Variants in MAGI2 observed in about 807,000 individuals in gnomAD.
The protein encoded by MAGI2 is membrane-associated guanylate kinase, WW and PDZ domain-containing protein 2.
In MAGI2, 35 loss-of-function variants were observed where a neutral mutation model predicts 133.3. The observed-to-expected ratio is 0.26, with a 90% CI of 0.20 to 0.35. The LOEUF (loss-of-function observed/expected upper bound fraction) is 0.35, where lower values mean the gene tolerates loss of function less well. Among genes scored for constraint, MAGI2 ranks in the 10% least tolerant of loss-of-function variants. MAGI2 has a pLI of 1.00. For missense variants in MAGI2, 1,636 were observed against 1,863.4 expected (o/e 0.88, Z 2.25); for synonymous variants, 729 against 710.6 (o/e 1.03, Z -0.41).
chr7:78,025,579 G>A (rs1808830564), intron 21 of MAGI2, among the ~76,000 whole-genome samples: 1 of 152,154 alleles, frequency 6.6e-6, no homozygotes, highest in Non-Finnish European at 1.5e-5. Context: ...ACCAAATGCT[G>A]ACTTGAGGAA....
At chr7:79,297,048 C>T (rs191575311) in intron 1 of MAGI2, among the ~76,000 whole-genome samples, 3 of 152,054 alleles carry the variant, frequency 2.0e-5, no homozygotes, top group Non-Finnish European at 2.9e-5. Context: ...AAAAAATAAC[C>T]CTTAAGTATT....
At chr7:79,001,741 C>T (rs1006337850) in intron 2 of MAGI2, among the ~76,000 whole-genome samples, 3 of 152,076 alleles carry the variant, frequency 2.0e-5, no homozygotes, top group Non-Finnish European at 2.9e-5. Context: ...CGTATTAATT[C>T]TATTAATTTC....
chr7:78,467,861 A>T (rs895310676), intron 6 of MAGI2, among the ~76,000 whole-genome samples: 5 of 152,108 alleles, frequency 3.3e-5, no homozygotes, highest in East Asian at 1.9e-4. Flanking sequence ...AACAAAATTT[A>T]AAAAAAGGTC....
At chr7:79,006,122 T>C (rs376063620) in intron 2 of MAGI2, among the ~76,000 whole-genome samples, 1 of 152,300 alleles carries the variant, frequency 6.6e-6, no homozygotes, top group Non-Finnish European at 1.5e-5. Flanking sequence ...TTATCCAGTA[T>C]CTATTCCAGA....
At chr7:79,247,483 C>T (rs967892108) in intron 1 of MAGI2, among the ~76,000 whole-genome samples, 8 of 151,910 alleles carry the variant, frequency 5.3e-5, no homozygotes, top group African/African-American at 1.5e-4. Flanking sequence ...CATGGTGGCA[C>T]GTACCTGTGG....
intron 1 of MAGI2, among the ~76,000 whole-genome samples, chr7:79,425,397 C>T (rs372748793): frequency 3.3e-5 from 5 of 151,924 alleles, no homozygotes; most frequent in African/African-American, 9.6e-5. Context: ...CTGACTTCTA[C>T]GTAACTGTTG....
intron 1 of MAGI2, among the ~76,000 whole-genome samples, chr7:79,102,378 A>G (rs17151954): frequency 0.038 from 5,818 of 152,284 alleles, 179 homozygotes; most frequent in Admixed American, 0.074. Flanking sequence ...TGCCTAAATC[A>G]AACGGTAAGC....
Position 78,953,376 on chromosome 7 carries a change from T to C in MAGI2, c.418+53714A>G, listed in dbSNP as rs1053251601. Among the ~76,000 whole-genome samples, 3 of 152,134 alleles carry C rather than the reference T, an allele frequency of 2.0e-5. No individual in the cohort carries two copies. In the South Asian group the frequency reaches 6.2e-4, roughly 31 times the overall value. The stretch of plus-strand genomic sequence containing the variant: ...TTTCAAGGTGTAAATCAAGTGTTGC[T>C]CCAGAATGGATAGCTTCTGCCACAA... On this transcript the variant is annotated intron_variant, in intron 2 of 21. Transcript: ENST00000354212.
At chr7:78,668,748 G>T (rs938538851) in intron 2 of MAGI2, among the ~76,000 whole-genome samples, 4 of 151,632 alleles carry the variant, frequency 2.6e-5, no homozygotes, top group African/African-American at 9.7e-5. Flanking sequence ...AATCAAAGTA[G>T]AACTCAGGAT....
At chr7:79,385,873 T>C (rs949423399) in intron 1 of MAGI2, among the ~76,000 whole-genome samples, 2 of 151,986 alleles carry the variant, frequency 1.3e-5, no homozygotes, top group African/African-American at 4.8e-5. Flanking sequence ...TGTGAGATAG[T>C]AGATGTTAAC....
intron 1 of MAGI2, among the ~76,000 whole-genome samples, chr7:79,238,874 G>A (rs946465689): frequency 6.6e-6 from 1 of 152,008 alleles, no homozygotes; most frequent in Non-Finnish European, 1.5e-5. Flanking sequence ...CAGGAATAGA[G>A]GTTCATCTCT....
chr7:78,644,987 T>A (rs920655618), intron 2 of MAGI2, among the ~76,000 whole-genome samples: 2 of 152,140 alleles, frequency 1.3e-5, no homozygotes, highest in Non-Finnish European at 2.9e-5. Context: ...TATTATAAAT[T>A]TATGCCAATA....
At chr7:78,642,207 A>C (rs1016533349) in intron 2 of MAGI2, among the ~76,000 whole-genome samples, 3 of 152,224 alleles carry the variant, frequency 2.0e-5, no homozygotes, top group African/African-American at 7.2e-5. Context: ...AGCAGTATTC[A>C]CAGTAATATT....
At chr7:78,633,316 G>A (rs886877186) in intron 2 of MAGI2, among the ~76,000 whole-genome samples, 2 of 152,140 alleles carry the variant, frequency 1.3e-5, no homozygotes, top group East Asian at 3.9e-4. Flanking sequence ...TAGTACCTGG[G>A]TGAGGAAATA....
chr7:78,843,398 A>G (rs566882703), intron 2 of MAGI2, among the ~76,000 whole-genome samples: 4 of 151,976 alleles, frequency 2.6e-5, no homozygotes, highest in African/African-American at 9.6e-5. Context: ...AAAATGACTC[A>G]GGTTTTGTTG....
chr7:78,303,874 G>A (rs1159738690), intron 9 of MAGI2, among the ~76,000 whole-genome samples: 4 of 151,968 alleles, frequency 2.6e-5, no homozygotes, highest in African/African-American at 4.8e-5. Context: ...TAAAAATCTC[G>A]CTGCCTACTC....
At chr7:78,817,429 A>G (rs1342250653) in intron 2 of MAGI2, among the ~76,000 whole-genome samples, 4 of 152,216 alleles carry the variant, frequency 2.6e-5, no homozygotes, top group Non-Finnish European at 5.9e-5. Flanking sequence ...ACAGCATCAC[A>G]TGCTAGAGAG....
intron 21 of MAGI2, among the ~76,000 whole-genome samples, chr7:78,061,259 A>G (rs1257296486): frequency 6.6e-6 from 1 of 151,628 alleles, no homozygotes; most frequent in African/African-American, 2.4e-5. Context: ...AGCAGGGAAG[A>G]TATACCATAG....
In MAGI2 at chr7:78,125,831, C is replaced by T; in HGVS notation, c.3430G>A (p.Asp1144Asn). The change falls in exon 20 of 22, where the codon GAT becomes AAT. Residue 1144 changes from aspartate to asparagine, a missense_variant. Transcript: ENST00000354212. ...TTCTCCATGTCCACAGTGAAATAAT[C>T]AAAATCCTTTGGGGTTGGGGAGAAA... is the stretch of plus-strand genomic sequence containing the variant. ...LSDYRQPQDFDYFTVDMEKGA... is the reference protein window; with the variant it reads ...LSDYRQPQDFNYFTVDMEKGA... 1 of 1,613,992 alleles carries T rather than the reference C, an allele frequency of 6.2e-7. No individual in the cohort carries two copies. The highest frequency in any genetic ancestry group is 2.2e-5 in the East Asian group (1 of 44,878).
Sources: gnomAD v4.1 joint callset for allele counts (sites outside exome capture counted in the v4.1 genomes callset) on GRCh38, gnomAD v4.1.1 for gene constraint, MANE v1.5 for transcripts, NCBI Gene and HGNC (gene_info 2026-07-23, HGNC 2026-07-21) for gene names.